The following BIK variants were observed in gnomAD, a reference collection of about 807,000 sequenced individuals.
BIK encodes the protein BCL2 interacting killer, also known as bcl-2-interacting killer.
BIK carries 14 observed loss-of-function variants against 12.1 expected under a neutral mutation model. That is an observed-to-expected ratio of 1.16 (90% CI 0.77 to 1.81). The LOEUF (loss-of-function observed/expected upper bound fraction) is 1.81. Ranked by LOEUF, BIK falls within the 40% of genes most tolerant of loss-of-function variation. BIK has a pLI of 0.00. For synonymous variants in BIK, 86 were observed against 92.3 expected (o/e 0.93, Z 0.39); for missense variants, 215 against 207.9 (o/e 1.03, Z -0.21).
Position 43,129,210 on chromosome 22 carries a change from C to T in BIK, c.391-3C>T, listed in dbSNP as rs759526038. 22 of 1,604,352 alleles carry T rather than the reference C, an allele frequency of 1.4e-5. No individual in the cohort carries two copies. The highest frequency in any genetic ancestry group is 1.7e-6 in the Non-Finnish European group (2 of 1,179,848). The stretch of plus-strand genomic sequence containing the variant: ...GCCTGACTCCTCTGCTTTGCTCCCA[C>T]AGGTGTCCTGCGAACAGGTGCTGCT... On this transcript the variant is annotated splice_polypyrimidine_tract_variant and splice_region_variant and intron_variant, in intron 4 of 4. Coordinates refer to ENST00000216115, the MANE Select transcript of BIK (RefSeq NM_001197.5).
intron 1 of BIK, among the ~76,000 whole-genome samples, chr22:43,121,374 C>T (rs2147022266): frequency 6.6e-6 from 1 of 152,250 alleles, no homozygotes; most frequent in East Asian, 1.9e-4. Context: ...TGACTGACTC[C>T]TCAGGTAGGC....
At chr22:43,123,817 A>T (rs1182908827) in intron 1 of BIK, among the ~76,000 whole-genome samples, 199 bp from the exon 2 acceptor site, 1 of 152,172 alleles carries the variant, frequency 6.6e-6, no homozygotes, top group African/African-American at 2.4e-5. Context: ...CAGAGATGCT[A>T]GGCGACTTGC....
chr22:43,128,594 G>T lies in BIK; in HGVS notation c.359G>T (p.Arg120Met), dbSNP rs563057679. ...GFTTLKENIMRFWRSPNPGSW... is the reference protein window; with the variant it reads ...GFTTLKENIMMFWRSPNPGSW... ...ACCACACTTAAGGAGAACATAATGAGGTTCTGGAGATCCCCGAACCCCGGG... is the reference window on the plus strand; with the variant it reads ...ACCACACTTAAGGAGAACATAATGATGTTCTGGAGATCCCCGAACCCCGGG... Residue 120 changes from arginine (R) to methionine (M), a missense_variant, in exon 4 of 5, where the codon AGG becomes ATG. By Grantham distance (91) the Arg-to-Met change is moderately conservative. Transcript: ENST00000216115. The T allele has an allele frequency of 6.2e-6, 10 of 1,613,142 alleles. No individual in the cohort carries two copies. The East Asian group carries it at 2.2e-4, about 36-fold the overall frequency.
At chr22:43,128,076 C>G (rs1240076811) in intron 3 of BIK, among the ~76,000 whole-genome samples, 2 of 152,110 alleles carry the variant, frequency 1.3e-5, no homozygotes, top group Non-Finnish European at 2.9e-5. Flanking sequence ...CCAGATGGTA[C>G]ATTTCCACCG....
At chr22:43,116,880 C>T (rs781032211) in intron 1 of BIK, among the ~76,000 whole-genome samples, 29 of 152,154 alleles carry the variant, frequency 1.9e-4, no homozygotes, top group Admixed American at 1.3e-4. Flanking sequence ...GTGGAGACTA[C>T]AGTGAGCCAT....
chr22:43,128,729 C>CA, intron 4 of BIK, 104 bp downstream of exon 4: 1 of 1,431,634 alleles, frequency 7.0e-7, no homozygotes, highest in South Asian at 1.4e-5. Flanking sequence ...GTATCATCAT[C>CA]TGTGTCACCT....
At chr22:43,111,509 G>A (rs1930010898) in intron 1 of BIK, among the ~76,000 whole-genome samples, 1 of 151,906 alleles carries the variant, frequency 6.6e-6, no homozygotes, top group Non-Finnish European at 1.5e-5. Flanking sequence ...CGGGTGACCC[G>A]CGAGGGGGCC....
At position 43,128,609 on chromosome 22, in the gene BIK, C is replaced by CCGGCGGCGGGAGAAGTAGATT; in HGVS notation, c.374_375insCGGCGGCGGGAGAAGTAGATT (p.Pro125_Asn126insGlyGlyGlyArgSerArgLeu). On this transcript the variant is annotated inframe_insertion, in exon 4 of 5. Transcript: ENST00000216115. ...AACATAATGAGGTTCTGGAGATCCC[C>CCGGCGGCGGGAGAAGTAGATT]GAACCCCGGGTCCTGGGTAAGAGCC... The CCGGCGGCGGGAGAAGTAGATT allele has an allele frequency of 6.2e-7, 1 of 1,611,302 alleles. No homozygotes were observed.
chr22:43,116,278 C>T (rs571922847), intron 1 of BIK, among the ~76,000 whole-genome samples: 15 of 152,022 alleles, frequency 9.9e-5, no homozygotes, highest in Non-Finnish European at 1.6e-4. Context: ...AATAAAATCT[C>T]CTCCCCTAAC....
chr22:43,128,446 T>A (rs749270972), intron 3 of BIK, 50 bp from the exon 4 acceptor site: 36 of 1,599,446 alleles, frequency 2.3e-5, no homozygotes, highest in Non-Finnish European at 3.0e-5. Flanking sequence ...AGGCTGCCCC[T>A]ACCTGCTCCT....
At chr22:43,120,267 A>G (rs1157168814) in intron 1 of BIK, among the ~76,000 whole-genome samples, 1 of 152,212 alleles carries the variant, frequency 6.6e-6, no homozygotes, top group Non-Finnish European at 1.5e-5. Context: ...GGCTCACTGC[A>G]TATTCTGCCT....
At chr22:43,128,716 T>C in intron 4 of BIK, 91 bp downstream of exon 4, 1 of 1,472,606 alleles carries the variant, frequency 6.8e-7, no homozygotes, top group Non-Finnish European at 9.2e-7. Context: ...TCCCCACCAC[T>C]CCGTATCATC....
In BIK at chr22:43,127,759, C is replaced by A. The variant is rs150558820; in HGVS notation, c.224C>A (p.Pro75Gln). ...GAGATGGACGTGAGCCTCAGGGCCC[C>A]GCGCCTGGCCCAGCTCTCCGAGGTG... ...GDEMDVSLRA[P>Q]RLAQLSEVAM... Residue 75 changes from proline (P) to glutamine (Q), a missense_variant, in exon 3 of 5, where the codon CCG becomes CAG. Physicochemically the swap from Pro to Gln is moderately conservative, Grantham distance 76. Transcript: ENST00000216115. 14 of 1,553,246 alleles carry A rather than the reference C, an allele frequency of 9.0e-6. No homozygotes were observed. The highest frequency in any genetic ancestry group is 1.2e-5 in the Non-Finnish European group (14 of 1,148,644).
intron 1 of BIK, among the ~76,000 whole-genome samples, chr22:43,114,239 GA>G (rs1930066894): frequency 6.6e-6 from 1 of 152,116 alleles, no homozygotes; most frequent in African/African-American, 2.4e-5. Context: ...AGCAAAGAGA[GA>G]AAAGCTCACT....
At chr22:43,112,284 G>A (rs1223717338) in intron 1 of BIK, among the ~76,000 whole-genome samples, 2 of 151,934 alleles carry the variant, frequency 1.3e-5, no homozygotes, top group Non-Finnish European at 2.9e-5. Flanking sequence ...CTGCAACCTC[G>A]GCCTCCTGGG....
At chr22:43,113,865 G>C (rs547531326) in intron 1 of BIK, among the ~76,000 whole-genome samples, 3 of 152,202 alleles carry the variant, frequency 2.0e-5, no homozygotes, top group Non-Finnish European at 4.4e-5. Flanking sequence ...AGTTTGAGCC[G>C]TATGGAGGAA....
chr22:43,126,084 G>C lies in BIK; in HGVS notation c.162-1613G>C, dbSNP rs545380337. ...CTGTCACCCAGGCTGGAGTGCAGTG[G>C]CATGATCTTGGCTCACTGCAACCTC... is the stretch of plus-strand genomic sequence containing the variant. On this transcript the variant is annotated intron_variant, in intron 2 of 4. Transcript: ENST00000216115. Among the ~76,000 whole-genome samples, 33 of 151,596 alleles carry C rather than the reference G, an allele frequency of 2.2e-4. 2 individuals carry two copies. The South Asian group carries it at 6.9e-3, about 32-fold the overall frequency.
At chr22:43,110,943 T>C (rs1929997871) in intron 1 of BIK, 140 bp downstream of exon 1, 2 of 151,942 alleles carry the variant, frequency 1.3e-5, no homozygotes, top group African/African-American at 4.8e-5. Flanking sequence ...AGCAAGTCGC[T>C]GGCGGGGCGA....
chr22:43,124,885 C>G (rs1259816131), intron 2 of BIK, among the ~76,000 whole-genome samples: 2 of 152,126 alleles, frequency 1.3e-5, no homozygotes, highest in South Asian at 2.1e-4. Context: ...GAGCGAGACT[C>G]CATCTCAAAA....
Sources: allele counts gnomAD v4.1 joint callset (sites outside exome capture counted in the v4.1 genomes callset), GRCh38; gene constraint gnomAD v4.1.1; transcripts MANE v1.5; gene names NCBI Gene and HGNC (gene_info 2026-07-23, HGNC 2026-07-21).